RYK: variants seen among roughly 807,000 people sequenced by gnomAD.
RYK encodes the protein inactive tyrosine-protein kinase RYK.
A neutral mutation model predicts 70.2 loss-of-function variants in RYK; 21 were observed. The observed-to-expected ratio is 0.30, with a 90% CI of 0.21 to 0.43. RYK has a LOEUF of 0.43. Ranked by LOEUF, RYK falls within the 20% of genes least tolerant of loss-of-function variation. The pLI, the probability that RYK is intolerant of heterozygous loss-of-function variation, is 1.00. For missense variants in RYK, 604 were observed against 753.3 expected, an observed-to-expected ratio of 0.80 and a Z score of 2.32; for synonymous variants, 267 against 278.0, an observed-to-expected ratio of 0.96 and a Z score of 0.39.
At chr3:134,250,384 GC>G in intron 1 of RYK, 38 bp downstream of exon 1, 1 of 1,310,552 alleles carries the variant, frequency 7.6e-7, no homozygotes, top group Non-Finnish European at 9.8e-7. Context: ...GCCCCAGCCG[GC>G]CCGACCTGCC....
chr3:134,158,726 C>A (rs4854617), intron 14 of RYK, among the ~76,000 whole-genome samples: 112,234 of 152,024 alleles, frequency 0.74, 41,930 homozygotes, highest in East Asian at 0.99. Context: ...AATCACCCTG[C>A]ATAGCCTCCT....
intron 5 of RYK, among the ~76,000 whole-genome samples, chr3:134,205,736 G>C (rs1164178899): frequency 1.3e-5 from 2 of 152,156 alleles, no homozygotes; most frequent in African/African-American, 4.8e-5. Flanking sequence ...AGCTATCCTT[G>C]GGTTCCCAAA....
At chr3:134,200,225 G>A (rs756943451) in intron 6 of RYK, among the ~76,000 whole-genome samples, 2 of 152,080 alleles carry the variant, frequency 1.3e-5, no homozygotes, top group African/African-American at 4.8e-5. Context: ...CTTTGGGTCC[G>A]CACTACCTTT....
In RYK at chr3:134,222,543, G is replaced by GA. The variant is rs796217172; in HGVS notation, c.233-5dup. The GA allele has an allele frequency of 3.2e-6, 5 of 1,580,696 alleles. No individual in the cohort carries two copies. The highest frequency in any genetic ancestry group is 1.4e-5 in the African/African-American group (1 of 73,574). The stretch of plus-strand genomic sequence containing the variant: ...TAATAAAGTTCTGCATCAAGACCTA[G>GA]AAAAAAATAGGAAAAAAATAATTAA... On this transcript the variant is annotated splice_region_variant and splice_polypyrimidine_tract_variant and intron_variant, in intron 1 of 14. Transcript: ENST00000623711.
intron 6 of RYK, among the ~76,000 whole-genome samples, chr3:134,198,563 G>A (rs1395056888): frequency 6.6e-6 from 1 of 152,160 alleles, no homozygotes; most frequent in African/African-American, 2.4e-5. Context: ...TCCTTCCCCA[G>A]CACTTATGCC....
rs2014069569 is a variant in RYK, at chr3:134,202,853, G to A, written c.665C>T (p.Pro222Leu). The change falls in exon 6 of 15, where the codon CCA (proline) becomes CTA (leucine). Residue 222 changes from proline (P) to leucine (L), a missense_variant. Transcript: ENST00000623711. ...ATAAAACACACGCGTAGAAGTGGTT[G>A]GAGCTGCATGTACAGGATCATCTGA... ...RTIYDPVHAA[P>L]TTSTRVFYIS... 6.2e-7 allele frequency: 1 copy of A among 1,613,430 alleles called. No homozygotes were observed. Among genetic ancestry groups the A allele is most frequent in the Non-Finnish European group, 8.5e-7 (1 of 1,179,744 alleles).
At position 134,205,629 on chromosome 3, in the gene RYK, G is replaced by C. The variant is rs188358330; in HGVS notation, c.643+1843C>G. Among the ~76,000 whole-genome samples, 4 of 152,220 alleles carry C rather than the reference G, an allele frequency of 2.6e-5. No homozygotes were observed. In the East Asian group the frequency reaches 7.7e-4, roughly 29 times the overall value. On this transcript the variant is annotated intron_variant, in intron 5 of 14. Coordinates refer to ENST00000623711, the MANE Select transcript of RYK (RefSeq NM_002958.4). ...CTGCTCAATTACCTCCAAATTCCAG[G>C]CTTTCCTATGCATTTTTCCCATTCC... is the stretch of plus-strand genomic sequence containing the variant.
chr3:134,234,863 T>C (rs2015160777), intron 1 of RYK, among the ~76,000 whole-genome samples: 1 of 152,044 alleles, frequency 6.6e-6, no homozygotes, highest in Non-Finnish European at 1.5e-5. Context: ...ACCAAAATAG[T>C]AGAAATATGA....
intron 9 of RYK, among the ~76,000 whole-genome samples, chr3:134,186,257 T>C (rs2013457354): frequency 6.6e-6 from 1 of 152,266 alleles, no homozygotes; most frequent in African/African-American, 2.4e-5. Flanking sequence ...TGGAAATTTA[T>C]ACTGGAGTAT....
At chr3:134,212,562 T>C (rs548265040) in intron 2 of RYK, among the ~76,000 whole-genome samples, 1 of 152,288 alleles carries the variant, frequency 6.6e-6, no homozygotes, top group East Asian at 1.9e-4. Context: ...AAGAAAGATG[T>C]TCGATAAACC....
At chr3:134,247,549 A>G (rs1484014958) in intron 1 of RYK, among the ~76,000 whole-genome samples, 1 of 152,154 alleles carries the variant, frequency 6.6e-6, no homozygotes, top group East Asian at 1.9e-4. Context: ...CTAAAAATAC[A>G]AAATTAGCTG....
chr3:134,182,813 C>G (rs1323273422), intron 10 of RYK, among the ~76,000 whole-genome samples, 189 bp downstream of exon 10: 1 of 152,056 alleles, frequency 6.6e-6, no homozygotes, highest in Non-Finnish European at 1.5e-5. Context: ...TCTTTGTTTT[C>G]TTTTATACTT....
At chr3:134,192,820 A>G (rs544151419) in intron 7 of RYK, among the ~76,000 whole-genome samples, 21 of 152,302 alleles carry the variant, frequency 1.4e-4, no homozygotes, top group Non-Finnish European at 2.8e-4. Flanking sequence ...CAATGCATGT[A>G]GACTGACACC....
At chr3:134,183,134 C>G in intron 9 of RYK, 63 bp from the exon 10 acceptor site, 1 of 912,940 alleles carries the variant, frequency 1.1e-6, no homozygotes, top group Non-Finnish European at 1.7e-6. Flanking sequence ...TTAACATTTT[C>G]TGCTATTAGT....
At chr3:134,188,461 C>A (rs974561868) in intron 9 of RYK, among the ~76,000 whole-genome samples, 1 of 152,086 alleles carries the variant, frequency 6.6e-6, no homozygotes, top group African/African-American at 2.4e-5. Context: ...TGCACCTGGG[C>A]TCTATTAAAA....
chr3:134,187,028 C>T (rs767816236), intron 9 of RYK, among the ~76,000 whole-genome samples: 3 of 152,104 alleles, frequency 2.0e-5, no homozygotes, highest in Non-Finnish European at 2.9e-5. Flanking sequence ...TGGTCTTAGC[C>T]GAAAGGATGG....
chr3:134,165,879 G>A (rs1233180842), intron 13 of RYK, among the ~76,000 whole-genome samples: 2 of 152,122 alleles, frequency 1.3e-5, no homozygotes, highest in African/African-American at 4.8e-5. Context: ...TGCTTTTATA[G>A]GTTCAGAGCT....
At chr3:134,195,322 A>G (rs962742097) in intron 6 of RYK, 140 bp from the exon 7 acceptor site, 2 of 616,674 alleles carry the variant, frequency 3.2e-6, no homozygotes, top group African/African-American at 3.8e-5. Flanking sequence ...TGATGTTCCA[A>G]TACTGATATT....
intron 2 of RYK, among the ~76,000 whole-genome samples, chr3:134,217,460 TCTGGGTCTTAATTTC>T (rs554741311): frequency 5.3e-5 from 8 of 152,300 alleles, no homozygotes; most frequent in Non-Finnish European, 7.4e-5. Flanking sequence ...CCTTTCCAAA[TCTGGGTCTTAATTTC>T]CTCACAGGAA....
Sources: allele counts gnomAD v4.1 joint callset (sites outside exome capture counted in the v4.1 genomes callset), GRCh38; gene constraint gnomAD v4.1.1; transcripts MANE v1.5; gene names NCBI Gene and HGNC (gene_info 2026-07-23, HGNC 2026-07-21).